Variants in DMD observed in about 807,000 individuals in gnomAD.
DMD encodes the protein dystrophin.
Under a neutral mutation model 330.1 loss-of-function variants are expected in DMD, and 63 were observed. The ratio of observed to expected loss-of-function variants is 0.19; its 90% CI spans 0.16 to 0.24. DMD has a LOEUF of 0.24. DMD is among the 10% of genes least tolerant of loss of function. The pLI, the probability that DMD is intolerant of heterozygous loss-of-function variation, is 1.00. For missense variants in DMD, 3,344 were observed against 2,684.1 expected (o/e 1.25, Z -5.43); for synonymous variants, 1,223 against 959.8 (o/e 1.27, Z -5.07).
intron 53 of DMD, among the ~76,000 whole-genome samples, chrX:31,661,632 T>C (rs759612229): frequency 4.3e-4 from 48 of 112,053 alleles, no homozygotes; most frequent in African/African-American, 1.5e-3. Context: ...CCACAGGGAA[T>C]TGCTTGTGTG....
chrX:32,866,023 C>T (rs2082452369), intron 2 of DMD, among the ~76,000 whole-genome samples: 1 of 112,500 alleles, frequency 8.9e-6, no homozygotes, highest in South Asian at 3.6e-4. Flanking sequence ...GGCATTTCCT[C>T]TCCCAAATGT....
intron 57 of DMD, among the ~76,000 whole-genome samples, chrX:31,483,254 G>T (rs776625729): frequency 2.8e-5 from 3 of 108,896 alleles, no homozygotes; most frequent in South Asian, 8.1e-4. Flanking sequence ...CACCGTGTTA[G>T]CCAGGATGGT....
intron 11 of DMD, among the ~76,000 whole-genome samples, chrX:32,631,368 T>C (rs1455368535): frequency 9.0e-6 from 1 of 111,648 alleles, no homozygotes; most frequent in East Asian, 2.8e-4. Context: ...CCAAGGACTC[T>C]ACAATCGGCA....
chrX:33,222,836 C>T (rs146328279), intron 1 of DMD, among the ~76,000 whole-genome samples: 1,394 of 111,820 alleles, frequency 0.012, 23 homozygotes, highest in African/African-American at 0.043. Flanking sequence ...TGAAAGAAAT[C>T]ATAGAAGATA....
chrX:31,588,813 A>G (rs2076727680), intron 55 of DMD, among the ~76,000 whole-genome samples: 1 of 109,329 alleles, frequency 9.1e-6, no homozygotes, highest in Admixed American at 9.9e-5. Flanking sequence ...CTGTCCAAAA[A>G]GTAGAAACTT....
Position 33,279,007 on chromosome X carries a change from G to A in DMD, c.7+60252C>T, listed in dbSNP as rs988743314. Among the ~76,000 whole-genome samples, 6 of 111,242 alleles carry A rather than the reference G, an allele frequency of 5.4e-5. No individual in the cohort carries two copies. In the East Asian group the frequency reaches 1.4e-3, roughly 26 times the overall value. The stretch of plus-strand genomic sequence containing the variant: ...AACAACCTACTGATAGTGTTAGACC[G>A]ATCACTGAGGCAGAAAACTAACAAA... On this transcript the variant is annotated intron_variant, in intron 1 of 17. Coordinates refer to the DMD transcript ENST00000288447.
At chrX:32,209,502 T>C (rs200764153) in intron 44 of DMD, among the ~76,000 whole-genome samples, 1 of 111,480 alleles carries the variant, frequency 9.0e-6, no homozygotes, top group East Asian at 2.8e-4. Context: ...GGCTGGAACA[T>C]CGTCCTTGCA....
intron 55 of DMD, among the ~76,000 whole-genome samples, chrX:31,592,371 A>G (rs2076915701): frequency 1.1e-5 from 1 of 87,163 alleles, no homozygotes; most frequent in Non-Finnish European, 2.2e-5. Context: ...TATATTCTAC[A>G]TATATATTCT....
chrX:32,706,047 T>TA (rs1165555651), intron 7 of DMD, among the ~76,000 whole-genome samples: 2 of 107,565 alleles, frequency 1.9e-5, no homozygotes, highest in African/African-American at 3.4e-5. Context: ...TATGCAGTCA[T>TA]AAAAAAGGAT....
In DMD at chrX:33,016,747, A is replaced by G. The variant is rs141744542; in HGVS notation, c.93+3392T>C. 4.6e-3 allele frequency among the ~76,000 whole-genome samples: 514 copies of G among 111,840 alleles called. 1 individual carries two copies. Among genetic ancestry groups the G allele is most frequent in the African/African-American group, 0.015 (473 of 30,909 alleles). ...GGAGATAGTTTATCTCTCTCAATTG[A>G]GCTGGCAGTAAATATTTTTTCCCAT... On this transcript the variant is annotated intron_variant, in intron 2 of 78. Coordinates refer to ENST00000357033, the MANE Select transcript of DMD (RefSeq NM_004006.3).
intron 64 of DMD, among the ~76,000 whole-genome samples, chrX:31,220,390 A>G (rs992680669): frequency 9.0e-6 from 1 of 111,663 alleles, no homozygotes; most frequent in African/African-American, 3.3e-5. Context: ...CAAAGTTACT[A>G]GGGACCTTCC....
intron 59 of DMD, among the ~76,000 whole-genome samples, chrX:31,454,557 G>C (rs757794061): frequency 2.7e-5 from 3 of 111,678 alleles, no homozygotes; most frequent in Non-Finnish European, 5.6e-5. Context: ...CAAAACATCA[G>C]TCTAAGGCAG....
At chrX:31,815,777 A>C (rs975423948) in intron 50 of DMD, among the ~76,000 whole-genome samples, 2 of 111,520 alleles carry the variant, frequency 1.8e-5, no homozygotes, top group African/African-American at 6.5e-5. Context: ...TGATCTTTTG[A>C]GGTGCTTTGA....
At chrX:32,237,327 C>G (rs1273453399) in intron 43 of DMD, among the ~76,000 whole-genome samples, 1 of 111,012 alleles carries the variant, frequency 9.0e-6, no homozygotes, top group Non-Finnish European at 1.9e-5. Flanking sequence ...AATAAGAATA[C>G]CACCTCTCAA....
At chrX:33,331,399 A>T (rs1407393402) in intron 1 of DMD, among the ~76,000 whole-genome samples, 1 of 112,089 alleles carries the variant, frequency 8.9e-6, no homozygotes, top group Non-Finnish European at 1.9e-5. Context: ...TCAATAATCC[A>T]GCTTATTGTT....
chrX:32,110,739 A>G (rs190947372), intron 44 of DMD, among the ~76,000 whole-genome samples: 1 of 112,006 alleles, frequency 8.9e-6, no homozygotes, highest in Admixed American at 9.5e-5. Context: ...AGGACATTCT[A>G]TTTCCTTTTG....
chrX:32,143,904 C>A (rs753149362), intron 44 of DMD, among the ~76,000 whole-genome samples: 1 of 110,079 alleles, frequency 9.1e-6, no homozygotes, highest in East Asian at 2.8e-4. Flanking sequence ...CTGTCATTCA[C>A]TAACTGGTCA....
At position 32,825,263 on chromosome X, in the gene DMD, C is replaced by T. The variant is rs1465427482; in HGVS notation, c.265-1876G>A. ...GACCTGACTCTGGGGAGACTTAGAT[C>T]AAGTAATAGGAACTTAGATTCCAGT... On this transcript the variant is annotated intron_variant, in intron 4 of 78. Coordinates refer to ENST00000357033, the MANE Select transcript of DMD (RefSeq NM_004006.3). 2.7e-5 allele frequency among the ~76,000 whole-genome samples: 3 copies of T among 111,262 alleles called. No homozygotes were observed. The Admixed American group carries it at 2.9e-4, about 11-fold the overall frequency.
chrX:31,269,122 A>G (rs1047771696), intron 62 of DMD, among the ~76,000 whole-genome samples: 5 of 111,878 alleles, frequency 4.5e-5, no homozygotes, highest in Admixed American at 9.5e-5. Flanking sequence ...TTGACGTCAT[A>G]TTATAATTAA....
Sources: allele counts gnomAD v4.1 joint callset (sites outside exome capture counted in the v4.1 genomes callset), GRCh38; gene constraint gnomAD v4.1.1; transcripts MANE v1.5; gene names NCBI Gene and HGNC (gene_info 2026-07-23, HGNC 2026-07-21).